Variants in PRKN observed in about 807,000 individuals in gnomAD.
PRKN encodes the protein parkin RBR E3 ubiquitin protein ligase.
A neutral mutation model predicts 59.5 loss-of-function variants in PRKN; 56 were observed. That is an observed-to-expected ratio of 0.94 (90% confidence interval 0.76 to 1.18). The LOEUF (loss-of-function observed/expected upper bound fraction) is 1.18. Among genes scored for constraint, PRKN ranks in the 50% most tolerant of loss-of-function variants. The pLI, the probability that PRKN is intolerant of heterozygous loss-of-function variation, is 0.00. For missense variants in PRKN, 657 were observed against 596.4 expected (o/e 1.10, Z -1.06); for synonymous variants, 250 against 222.1 (o/e 1.13, Z -1.12).
intron 1 of PRKN, among the ~76,000 whole-genome samples, chr6:162,688,099 T>G (rs1389088325): frequency 6.6e-6 from 1 of 152,200 alleles, no homozygotes; most frequent in Non-Finnish European, 1.5e-5. Flanking sequence ...GCAGCCTGAA[T>G]TTGAAATCAA....
chr6:162,269,771 G>A (rs1192109112), intron 2 of PRKN: 1 of 152,140 alleles, frequency 6.6e-6, no homozygotes, highest in African/African-American at 2.4e-5. Flanking sequence ...ATGAAATAAT[G>A]TTTAATATCA....
At chr6:162,250,869 T>C (rs1294063695) in intron 3 of PRKN, among the ~76,000 whole-genome samples, 1 of 151,244 alleles carries the variant, frequency 6.6e-6, no homozygotes, top group African/African-American at 2.4e-5. Flanking sequence ...TTTAGGGCTC[T>C]AGTTATTTCC....
intron 1 of PRKN, among the ~76,000 whole-genome samples, chr6:162,582,443 T>A (rs1219322925): frequency 6.6e-6 from 1 of 152,232 alleles, no homozygotes; most frequent in Non-Finnish European, 1.5e-5. Context: ...ATCCTGATTA[T>A]GGTGCCTGCA....
intron 1 of PRKN, among the ~76,000 whole-genome samples, chr6:162,661,031 G>C (rs1318282377): frequency 1.3e-5 from 2 of 152,180 alleles, no homozygotes; most frequent in South Asian, 4.1e-4. Flanking sequence ...GGAGGCTGAG[G>C]TGGGCGGATC....
intron 1 of PRKN, among the ~76,000 whole-genome samples, chr6:162,481,748 A>C (rs1792320806): frequency 6.6e-6 from 1 of 152,158 alleles, no homozygotes; most frequent in Non-Finnish European, 1.5e-5. Flanking sequence ...ATGACAGAGC[A>C]CTACCTTAAA....
chr6:162,127,929 C>T (rs1287765241), intron 4 of PRKN, among the ~76,000 whole-genome samples: 1 of 152,194 alleles, frequency 6.6e-6, no homozygotes, highest in Non-Finnish European at 1.5e-5. Flanking sequence ...CTGTACTCCT[C>T]ACCTCTTCAC....
rs1222864007 is a variant in PRKN, at chr6:161,371,717, C to T, written c.1168-11512G>A. 6.6e-6 allele frequency among the ~76,000 whole-genome samples: 1 copy of T among 152,210 alleles called. No homozygotes were observed. Among genetic ancestry groups the T allele is most frequent in the Non-Finnish European group, 1.5e-5 (1 of 68,036 alleles). ...GCAATGACACAATCTCGGCTCACTACAACCTCCACCTCCTGGGTTCAAGCG... is the reference window on the plus strand; with the variant it reads ...GCAATGACACAATCTCGGCTCACTATAACCTCCACCTCCTGGGTTCAAGCG... On this transcript the variant is annotated intron_variant, in intron 10 of 11. Transcript: ENST00000366898. The surrounding 1 kb of genome is among the most constrained non-coding windows in gnomAD (Gnocchi z 5.5).
At chr6:161,517,526 G>C (rs1266866581) in intron 9 of PRKN, among the ~76,000 whole-genome samples, 4 of 151,836 alleles carry the variant, frequency 2.6e-5, no homozygotes, top group Admixed American at 2.6e-4. Context: ...AGATCACAAG[G>C]TCAGGAGATC....
intron 6 of PRKN, among the ~76,000 whole-genome samples, chr6:161,795,228 C>T (rs376108421): frequency 3.9e-5 from 5 of 128,418 alleles, no homozygotes; most frequent in Non-Finnish European, 7.9e-5. Flanking sequence ...GTTTTCTTTT[C>T]TTTTTTTTTT....
chr6:162,041,361 G>A (rs1784062981), intron 5 of PRKN, among the ~76,000 whole-genome samples: 1 of 152,074 alleles, frequency 6.6e-6, no homozygotes, highest in Non-Finnish European at 1.5e-5. Context: ...TTGGACTCAT[G>A]GCAATTCTTA....
chr6:162,549,698 G>C (rs1047366964), intron 1 of PRKN, among the ~76,000 whole-genome samples: 1 of 149,842 alleles, frequency 6.7e-6, no homozygotes, highest in South Asian at 2.1e-4. Context: ...AAGTGCAGTG[G>C]TGCAATCTCG....
chr6:162,459,603 G>A (rs1236797384), intron 1 of PRKN, among the ~76,000 whole-genome samples: 1 of 152,158 alleles, frequency 6.6e-6, no homozygotes, highest in Admixed American at 6.5e-5. Context: ...CAGTTTAAAT[G>A]TCTGCTTCTC....
At chr6:161,574,156 CTG>C (rs1583247204) in intron 7 of PRKN, among the ~76,000 whole-genome samples, 2 of 152,204 alleles carry the variant, frequency 1.3e-5, no homozygotes, top group East Asian at 3.9e-4. Context: ...TATCTGCAAA[CTG>C]TGCTCATCAC....
At chr6:162,285,725 C>T (rs913096476) in intron 2 of PRKN, among the ~76,000 whole-genome samples, 1 of 152,158 alleles carries the variant, frequency 6.6e-6, no homozygotes. Flanking sequence ...TCTTCCCCGA[C>T]ACCAGATGAC....
intron 4 of PRKN, among the ~76,000 whole-genome samples, chr6:162,156,460 G>A (rs545491408): frequency 6.6e-6 from 1 of 152,168 alleles, no homozygotes; most frequent in African/African-American, 2.4e-5. Flanking sequence ...TGTAGCTGAA[G>A]GCCCAAGAGC....
At chr6:162,630,919 G>GA (rs1259120317) in intron 1 of PRKN, among the ~76,000 whole-genome samples, 1 of 152,054 alleles carries the variant, frequency 6.6e-6, no homozygotes, top group African/African-American at 2.4e-5. Flanking sequence ...AGCACAAAAA[G>GA]TAAAAAATTT....
At chr6:161,620,620 TG>T (rs748697202) in intron 7 of PRKN, among the ~76,000 whole-genome samples, 8 of 152,192 alleles carry the variant, frequency 5.3e-5, no homozygotes, top group Non-Finnish European at 1.0e-4. Flanking sequence ...ATCTCCACTT[TG>T]CATCGACATT....
chr6:162,580,316 C>T (rs1465321129), intron 1 of PRKN, among the ~76,000 whole-genome samples: 1 of 151,874 alleles, frequency 6.6e-6, no homozygotes, highest in East Asian at 1.9e-4. Context: ...TGCATGCCTG[C>T]AGTCCCGGCT....
chr6:162,444,562 T>C (rs1790219473), intron 1 of PRKN, among the ~76,000 whole-genome samples: 2 of 152,004 alleles, frequency 1.3e-5, no homozygotes, highest in Non-Finnish European at 1.5e-5. Context: ...CCTTCTCCTC[T>C]TCCTATTGAA....
Sources: allele counts gnomAD v4.1 joint callset (sites outside exome capture counted in the v4.1 genomes callset), GRCh38; gene constraint gnomAD v4.1.1; non-coding constraint Gnocchi (gnomAD v3.1); transcripts MANE v1.5; gene names NCBI Gene and HGNC (gene_info 2026-07-23, HGNC 2026-07-21).